ENTREP1: variants seen among roughly 807,000 people sequenced by gnomAD.
ENTREP1 encodes the protein endosomal transmembrane epsin interactor 1, also known as Friedreich ataxia region gene X123.
the ENTREP1 span, among the ~76,000 whole-genome samples, chr9:69,337,471 A>G: frequency 6.6e-6 from 1 of 152,190 alleles, no homozygotes; most frequent in Non-Finnish European, 1.5e-5. Flanking sequence ...TAATATAGAC[A>G]TATACTGGTG....
At chr9:69,344,732 G>A in the ENTREP1 span, among the ~76,000 whole-genome samples, 4 of 152,148 alleles carry the variant, frequency 2.6e-5, no homozygotes, top group Non-Finnish European at 4.4e-5. Context: ...TAGCCCTGGG[G>A]CCACTTGGAA....
the ENTREP1 span, among the ~76,000 whole-genome samples, chr9:69,374,982 T>C: frequency 1.3e-5 from 2 of 152,170 alleles, no homozygotes; most frequent in African/African-American, 4.8e-5. Context: ...GTGCCTGAGG[T>C]TTCTTTGTAT....
the ENTREP1 span, among the ~76,000 whole-genome samples, chr9:69,333,205 G>A: frequency 5.3e-5 from 8 of 152,134 alleles, no homozygotes; most frequent in African/African-American, 1.9e-4. Context: ...TTAACATGGA[G>A]GAGGGTGGGG....
chr9:69,385,763 CTTTTTTTT>C, the ENTREP1 span: 200 of 1,243,740 alleles, frequency 1.6e-4, no homozygotes, highest in South Asian at 2.2e-3. Flanking sequence ...TGTTTCGCCT[CTTTTTTTT>C]TTTTTTTTTT....
the ENTREP1 span, among the ~76,000 whole-genome samples, chr9:69,365,513 A>G: frequency 3.9e-5 from 6 of 152,256 alleles, no homozygotes; most frequent in East Asian, 1.9e-4. Flanking sequence ...TATCATTTCT[A>G]TGTATTGGGG....
the ENTREP1 span, chr9:69,391,892 A>C: frequency 7.6e-7 from 1 of 1,321,248 alleles, no homozygotes; most frequent in Non-Finnish European, 1.1e-6. Flanking sequence ...CACCTCAAAA[A>C]AAAGGAGCAC....
chr9:69,374,711 CAG>C, the ENTREP1 span, among the ~76,000 whole-genome samples: 1 of 152,100 alleles, frequency 6.6e-6, no homozygotes, highest in African/African-American at 2.4e-5. Context: ...TGAAAGGTGA[CAG>C]GGGGAAGACA....
At chr9:69,381,477 C>T in the ENTREP1 span, 1 of 152,026 alleles carries the variant, frequency 6.6e-6, no homozygotes, top group South Asian at 2.1e-4. Context: ...ATTAGAATCC[C>T]CTAGGAGCAC....
At chr9:69,376,205 C>T in the ENTREP1 span, among the ~76,000 whole-genome samples, 2 of 152,118 alleles carry the variant, frequency 1.3e-5, no homozygotes. Flanking sequence ...CACACATATA[C>T]GGTGTAGCTT....
the ENTREP1 span, among the ~76,000 whole-genome samples, chr9:69,355,136 G>A: frequency 6.6e-6 from 1 of 152,266 alleles, no homozygotes; most frequent in African/African-American, 2.4e-5. Flanking sequence ...TCTTAGAAGT[G>A]CTAATTGTTT....
chr9:69,383,457 A>G, the ENTREP1 span: 1 of 1,481,844 alleles, frequency 6.7e-7, no homozygotes, highest in Non-Finnish European at 8.9e-7. Flanking sequence ...AACTCTGGCC[A>G]CTTCGTCGGA....
At chr9:69,359,022 C>T in the ENTREP1 span, among the ~76,000 whole-genome samples, 7 of 151,474 alleles carry the variant, frequency 4.6e-5, no homozygotes, top group East Asian at 1.4e-3. Context: ...TCTCCTGCCT[C>T]AGCCTCCTGA....
At chr9:69,352,671 G>A in the ENTREP1 span, among the ~76,000 whole-genome samples, 1 of 152,172 alleles carries the variant, frequency 6.6e-6, no homozygotes, top group Non-Finnish European at 1.5e-5. Flanking sequence ...CAGAAGGTCT[G>A]TCTCTAGAGT....
the ENTREP1 span, among the ~76,000 whole-genome samples, chr9:69,332,008 TC>T: frequency 6.6e-6 from 1 of 152,150 alleles, no homozygotes; most frequent in African/African-American, 2.4e-5. Flanking sequence ...CCAACCCCTT[TC>T]CCCGTCTGTG....
At chr9:69,340,320 A>G in the ENTREP1 span, among the ~76,000 whole-genome samples, 1 of 152,030 alleles carries the variant, frequency 6.6e-6, no homozygotes, top group African/African-American at 2.4e-5. Context: ...CCTTTTGAGA[A>G]CCATTTACAT....
At chr9:69,337,034 T>TTTTG in the ENTREP1 span, among the ~76,000 whole-genome samples, 1 of 56,222 alleles carries the variant, frequency 1.8e-5, no homozygotes, top group Admixed American at 2.0e-4. Flanking sequence ...TTTTTTTTTT[T>TTTTG]GATACAGTCT....
chr9:69,367,267 TG>T, the ENTREP1 span, among the ~76,000 whole-genome samples: 1 of 151,902 alleles, frequency 6.6e-6, no homozygotes, highest in African/African-American at 2.4e-5. Flanking sequence ...CATGCTGTTT[TG>T]GTTACTATAA....
At chr9:69,369,747 G>A in the ENTREP1 span, among the ~76,000 whole-genome samples, 1,538 of 152,248 alleles carry the variant, frequency 0.01, 30 homozygotes, top group African/African-American at 0.035. Flanking sequence ...TAGTTGGTGT[G>A]AAGTGGTATC....
chr9:69,371,491 C>A, the ENTREP1 span: 1 of 1,585,954 alleles, frequency 6.3e-7, no homozygotes, highest in Non-Finnish European at 8.7e-7. Flanking sequence ...ATTCTCTTGC[C>A]ATTTCAGGTA....
Sources: gnomAD v4.1 joint callset for allele counts (sites outside exome capture counted in the v4.1 genomes callset) on GRCh38, gnomAD v4.1.1 for gene constraint, MANE v1.5 for transcripts, NCBI Gene and HGNC (gene_info 2026-07-23, HGNC 2026-07-21) for gene names.